SLC25A21: variants seen among roughly 807,000 people sequenced by gnomAD.
The protein encoded by SLC25A21 is mitochondrial 2-oxodicarboxylate carrier.
Under a neutral mutation model 43.8 loss-of-function variants are expected in SLC25A21, and 47 were observed. The ratio of observed to expected loss-of-function variants is 1.07; its 90% CI spans 0.85 to 1.37. The LOEUF (loss-of-function observed/expected upper bound fraction) is 1.37, where lower values mean the gene tolerates loss of function less well. Among genes scored for constraint, SLC25A21 ranks in the 40% most tolerant of loss-of-function variants. SLC25A21 has a pLI of 0.00. For synonymous variants in SLC25A21, 131 were observed against 121.3 expected, an observed-to-expected ratio of 1.08 and a Z score of -0.52; for missense variants, 352 against 350.2, an observed-to-expected ratio of 1.00 and a Z score of -0.04.
intron 2 of SLC25A21, among the ~76,000 whole-genome samples, chr14:36,872,050 T>C (rs1476670758): frequency 1.3e-5 from 2 of 152,186 alleles, no homozygotes; most frequent in East Asian, 3.9e-4. Context: ...TCACGTAAGC[T>C]ATTTAAATTA....
chr14:36,850,813 A>G (rs1594639731), intron 2 of SLC25A21, among the ~76,000 whole-genome samples: 1 of 152,298 alleles, frequency 6.6e-6, no homozygotes, highest in East Asian at 1.9e-4. Context: ...TTAAGAAGCA[A>G]TATTTTGGTC....
chr14:37,120,967 A>G (rs1963196889), intron 1 of SLC25A21, among the ~76,000 whole-genome samples: 1 of 152,186 alleles, frequency 6.6e-6, no homozygotes, highest in African/African-American at 2.4e-5. Context: ...ACGTGAGACC[A>G]CTTGCTAATT....
chr14:37,032,412 T>C (rs1343980092), intron 1 of SLC25A21, among the ~76,000 whole-genome samples: 1 of 152,086 alleles, frequency 6.6e-6, no homozygotes, highest in Non-Finnish European at 1.5e-5. Flanking sequence ...GGCGTGTGCC[T>C]GTAGTCCCAG....
chr14:36,695,272 C>G (rs113507427), intron 7 of SLC25A21, among the ~76,000 whole-genome samples: 1 of 152,180 alleles, frequency 6.6e-6, no homozygotes, highest in East Asian at 1.9e-4. Context: ...TGGTCTATAT[C>G]TCTGTTTTGG....
intron 1 of SLC25A21, among the ~76,000 whole-genome samples, chr14:37,014,807 T>G (rs1199001814): frequency 6.6e-6 from 1 of 152,142 alleles, no homozygotes; most frequent in African/African-American, 2.4e-5. Context: ...GAATAAATGT[T>G]GTGTTGGCAG....
intron 1 of SLC25A21, among the ~76,000 whole-genome samples, chr14:37,164,054 T>A (rs994528167): frequency 2.0e-5 from 3 of 152,150 alleles, no homozygotes; most frequent in Non-Finnish European, 2.9e-5. Context: ...TTTAACCACA[T>A]GTTTTTAAAA....
At chr14:36,729,347 G>A (rs1421867032) in intron 5 of SLC25A21, among the ~76,000 whole-genome samples, 160 bp downstream of exon 5, 2 of 152,094 alleles carry the variant, frequency 1.3e-5, no homozygotes, top group African/African-American at 2.4e-5. Context: ...TAGCCAAATT[G>A]TGAGTTATTA....
chr14:36,993,688 T>C (rs192842041), intron 1 of SLC25A21, among the ~76,000 whole-genome samples: 2 of 152,158 alleles, frequency 1.3e-5, no homozygotes, highest in African/African-American at 4.8e-5. Context: ...ATACATCTTA[T>C]CATCATTCTC....
intron 7 of SLC25A21, among the ~76,000 whole-genome samples, chr14:36,701,373 G>A (rs1049384316): frequency 6.6e-6 from 1 of 152,146 alleles, no homozygotes; most frequent in Non-Finnish European, 1.5e-5. Flanking sequence ...CATTCTTTAA[G>A]GAATGTGGAG....
intron 3 of SLC25A21, among the ~76,000 whole-genome samples, chr14:36,799,625 T>G (rs1414791809): frequency 3.3e-5 from 5 of 152,212 alleles, no homozygotes; most frequent in Admixed American, 2.0e-4. Flanking sequence ...AAGAAGAATT[T>G]ATGTTTTTTT....
intron 3 of SLC25A21, among the ~76,000 whole-genome samples, chr14:36,786,896 G>A (rs574961948): frequency 1.5e-3 from 236 of 152,288 alleles, no homozygotes; most frequent in Admixed American, 3.5e-3. Flanking sequence ...GTCTTTCACA[G>A]CAATTAGAGC....
intron 1 of SLC25A21, among the ~76,000 whole-genome samples, chr14:37,117,188 G>T (rs550725518): frequency 2.7e-4 from 41 of 152,240 alleles, no homozygotes; most frequent in Non-Finnish European, 3.4e-4. Context: ...AATTTGGAAT[G>T]CAGGCAAAAC....
chr14:36,914,766 TGTTA>T lies in SLC25A21; in HGVS notation c.71-39766_71-39763del, dbSNP rs374802587. Reference sequence around the variant, plus strand: ...GTTATGTTGCAGGCATGGAAGTATTTGTTAGTTTCAGATTTAATCATAGCTAGTG... The same window carrying T: ...GTTATGTTGCAGGCATGGAAGTATTTGTTTCAGATTTAATCATAGCTAGTG... On this transcript the variant is annotated intron_variant, in intron 1 of 9. Coordinates refer to ENST00000331299, the MANE Select transcript of SLC25A21 (RefSeq NM_030631.4). 4.3e-4 allele frequency among the ~76,000 whole-genome samples: 66 copies of T among 152,280 alleles called. No homozygotes were observed. The East Asian group carries it at 8.7e-3, about 20-fold the overall frequency.
At chr14:37,025,668 T>C (rs575251085) in intron 1 of SLC25A21, among the ~76,000 whole-genome samples, 3 of 152,264 alleles carry the variant, frequency 2.0e-5, no homozygotes, top group African/African-American at 7.2e-5. Flanking sequence ...AAAAGAGTTC[T>C]TTTCTCATCT....
intron 1 of SLC25A21, among the ~76,000 whole-genome samples, chr14:37,068,364 C>T (rs1055521792): frequency 6.6e-6 from 1 of 152,144 alleles, no homozygotes; most frequent in African/African-American, 2.4e-5. Flanking sequence ...ACACAAAGTT[C>T]TCTGTGGGTC....
intron 1 of SLC25A21, among the ~76,000 whole-genome samples, chr14:37,092,101 T>C (rs1252091012): frequency 6.6e-6 from 1 of 152,150 alleles, no homozygotes; most frequent in Non-Finnish European, 1.5e-5. Context: ...TACTCCAGCC[T>C]GGGTGACAGA....
chr14:37,149,763 C>A (rs575887396), intron 1 of SLC25A21, among the ~76,000 whole-genome samples: 1 of 152,076 alleles, frequency 6.6e-6, no homozygotes, highest in Non-Finnish European at 1.5e-5. Flanking sequence ...TAGTACAGTA[C>A]CTTCAATATT....
chr14:36,986,679 T>C (rs1358073661), intron 1 of SLC25A21, among the ~76,000 whole-genome samples: 1 of 152,180 alleles, frequency 6.6e-6, no homozygotes, highest in Non-Finnish European at 1.5e-5. Context: ...TATTTACTGC[T>C]GACTTTTCTG....
chr14:36,684,238 C>T (rs532216294), intron 8 of SLC25A21, among the ~76,000 whole-genome samples: 34 of 152,076 alleles, frequency 2.2e-4, no homozygotes, highest in Middle Eastern at 3.4e-3. Context: ...TTAGGAAATA[C>T]GATGCAGTTT....
Sources: allele counts gnomAD v4.1 joint callset (sites outside exome capture counted in the v4.1 genomes callset), GRCh38; gene constraint gnomAD v4.1.1; transcripts MANE v1.5; gene names NCBI Gene and HGNC (gene_info 2026-07-23, HGNC 2026-07-21).